HELZ: variants seen among roughly 807,000 people sequenced by gnomAD.
The protein encoded by HELZ is helicase with zinc finger.
In HELZ, 23 loss-of-function variants were observed where a neutral mutation model predicts 218.2. The observed-to-expected ratio is 0.11, with a 90% CI of 0.08 to 0.15. The LOEUF is 0.15. HELZ is among the 10% of genes least tolerant of loss of function. The pLI is 1.00. For missense variants in HELZ, 1,813 were observed against 2,353.7 expected (o/e 0.77, Z 4.75); for synonymous variants, 814 against 829.4 (o/e 0.98, Z 0.32).
intron 3 of HELZ, among the ~76,000 whole-genome samples, chr17:67,228,017 T>C (rs1346961763): frequency 6.6e-6 from 1 of 152,224 alleles, no homozygotes; most frequent in Admixed American, 6.5e-5. Context: ...TCTGCATCTC[T>C]GTCTTATACA....
Position 67,190,216 on chromosome 17 carries a change from C to G in HELZ, c.697G>C (p.Gly233Arg). 6.2e-7 allele frequency: 1 copy of G among 1,614,030 alleles called. No individual in the cohort carries two copies. Among genetic ancestry groups the G allele is most frequent in the Non-Finnish European group, 8.5e-7 (1 of 1,179,948 alleles). The stretch of plus-strand genomic sequence containing the variant: ...TCTATCAAGGTTTCCATGTAACTGC[C>G]TGAGAGCTGTTTATTCTCATTTTGC... Reference protein sequence around the residue: ...KQQNENKQLSGSYMETLIEKW... With the variant: ...KQQNENKQLSRSYMETLIEKW... Residue 233 changes from glycine (G) to arginine (R), a missense_variant, in exon 10 of 33, where the codon GGC becomes CGC. Physicochemically the swap from Gly to Arg is moderately radical, Grantham distance 125. Transcript: ENST00000358691.
chr17:67,231,413 G>A (rs995089792), intron 3 of HELZ, among the ~76,000 whole-genome samples: 13 of 152,012 alleles, frequency 8.6e-5, no homozygotes, highest in African/African-American at 3.1e-4. Context: ...CTAACATGGT[G>A]AAACCCCATC....
chr17:67,173,393 A>C (rs2039366251), intron 13 of HELZ, among the ~76,000 whole-genome samples: 1 of 152,198 alleles, frequency 6.6e-6, no homozygotes, highest in Non-Finnish European at 1.5e-5. Flanking sequence ...ACATTTTAAA[A>C]TCATCCTTAA....
chr17:67,203,113 CTT>C (rs2040208850), intron 6 of HELZ, among the ~76,000 whole-genome samples: 1 of 150,872 alleles, frequency 6.6e-6, no homozygotes, highest in African/African-American at 2.4e-5. Flanking sequence ...AGACTGACAC[CTT>C]GTCTCAAAAA....
rs1260035419 is a variant in HELZ at position 67,077,065 on chromosome 17, T to C, written c.*1187A>G. 1 of 152,224 alleles carries C rather than the reference T, an allele frequency of 6.6e-6. No homozygotes were observed. Among genetic ancestry groups the C allele is most frequent in the African/African-American group, 2.4e-5 (1 of 41,458 alleles). The allele number at this position is 152,224 out of a possible 1,614,324, so 9.4% of individuals were successfully genotyped here. On this transcript the variant is annotated 3_prime_UTR_variant, in exon 33 of 33. Coordinates refer to ENST00000358691, the MANE Select transcript of HELZ (RefSeq NM_014877.4). ...ATATTTAAGATGGCTATTTAAATTT[T>C]ATATTGTGTACAAGTTCAATAAGGG...
At chr17:67,121,125 A>G (rs757203266) in intron 26 of HELZ, among the ~76,000 whole-genome samples, 2 of 152,204 alleles carry the variant, frequency 1.3e-5, no homozygotes, top group Non-Finnish European at 2.9e-5. Context: ...TATTATAGGT[A>G]AAATTCAAAT....
intron 5 of HELZ, among the ~76,000 whole-genome samples, chr17:67,206,290 C>T (rs771566685): frequency 3.3e-5 from 5 of 152,222 alleles, no homozygotes; most frequent in Non-Finnish European, 7.3e-5. Context: ...AGGAGGACTT[C>T]TGTCAGCTCG....
At chr17:67,142,947 G>A (rs944481140) in intron 21 of HELZ, among the ~76,000 whole-genome samples, 3 of 151,808 alleles carry the variant, frequency 2.0e-5, no homozygotes, top group African/African-American at 7.3e-5. Flanking sequence ...TTTTTGTAGA[G>A]ACGGGGTTTC....
chr17:67,214,386 C>T (rs2040540456), intron 5 of HELZ, among the ~76,000 whole-genome samples: 1 of 150,944 alleles, frequency 6.6e-6, no homozygotes, highest in African/African-American at 2.4e-5. Context: ...CTGCCTCAGC[C>T]TCCCGAGTAG....
At chr17:67,174,408 G>A (rs939303184) in intron 13 of HELZ, among the ~76,000 whole-genome samples, 32 of 152,214 alleles carry the variant, frequency 2.1e-4, no homozygotes, top group African/African-American at 7.7e-4. Flanking sequence ...AAATTCATGG[G>A]TTCAAGTGAT....
intron 9 of HELZ, among the ~76,000 whole-genome samples, chr17:67,191,397 A>G (rs746352379): frequency 2.6e-5 from 4 of 152,316 alleles, no homozygotes; most frequent in South Asian, 2.1e-4. Flanking sequence ...GACGTTTACA[A>G]CTCGGAAAAT....
At chr17:67,149,306 A>C (rs2038603119) in intron 19 of HELZ, among the ~76,000 whole-genome samples, 1 of 152,184 alleles carries the variant, frequency 6.6e-6, no homozygotes, top group Non-Finnish European at 1.5e-5. Context: ...ATGTAGGTCC[A>C]ATCTTAACTG....
intron 3 of HELZ, among the ~76,000 whole-genome samples, chr17:67,229,160 G>A (rs139881540): frequency 1.3e-5 from 2 of 152,298 alleles, no homozygotes; most frequent in East Asian, 3.9e-4. Flanking sequence ...ATACTTTAGA[G>A]ATGGCACAAT....
chr17:67,156,759 C>G, intron 17 of HELZ, among the ~76,000 whole-genome samples: 1 of 152,022 alleles, frequency 6.6e-6, no homozygotes, highest in Non-Finnish European at 1.5e-5. Flanking sequence ...CTCTCTCCAG[C>G]CAAGACCTCA....
chr17:67,150,027 G>A (rs371957735), intron 18 of HELZ, 42 bp from the exon 19 acceptor site: 6 of 1,139,522 alleles, frequency 5.3e-6, no homozygotes, highest in Admixed American at 1.9e-5. Flanking sequence ...CGCTAGAGCA[G>A]CAACAAAGGC....
intron 31 of HELZ, among the ~76,000 whole-genome samples, chr17:67,092,099 A>G (rs1015812730): frequency 1.1e-4 from 17 of 152,248 alleles, no homozygotes; most frequent in African/African-American, 3.9e-4. Context: ...CTATGGGTTC[A>G]TGTGATGTAA....
In HELZ at chr17:67,108,200, A is replaced by G. The variant is rs930103663; in HGVS notation, c.4724+292T>C. Among the ~76,000 whole-genome samples the G allele has an allele frequency of 1.3e-5, 2 of 152,244 alleles. No homozygotes were observed. The highest frequency in any genetic ancestry group is 4.8e-5 in the African/African-American group (2 of 41,462). On this transcript the variant is annotated intron_variant, in intron 30 of 32. Transcript: ENST00000358691. The surrounding 1 kb of genome is among the most constrained non-coding windows in gnomAD (Gnocchi z 4.1). ...GCAAGTATTACTACTAAATAAAAAA[A>G]GCTGCTCACAGTGATGGTATGTTTC... is the stretch of plus-strand genomic sequence containing the variant.
rs528061407 is a variant in HELZ at position 67,094,333 on chromosome 17, A to AAAG, written c.5242-7253_5242-7252insCTT. Among the ~76,000 whole-genome samples the AAAG allele has an allele frequency of 7.7e-4, 113 of 146,628 alleles. 2 individuals carry two copies. Among genetic ancestry groups the AAAG allele is most frequent in the African/African-American group, 2.8e-3 (108 of 38,026 alleles). On this transcript the variant is annotated intron_variant, in intron 31 of 32. Transcript: ENST00000358691. ...GGAGACCTGGTCTTGAAAAAAAAAA[A>AAAG]AGAGAGAGAGAGAGAGAGAGATACA...
At chr17:67,087,884 C>T (rs1222376416) in intron 31 of HELZ, among the ~76,000 whole-genome samples, 1 of 152,160 alleles carries the variant, frequency 6.6e-6, no homozygotes, top group Non-Finnish European at 1.5e-5. Flanking sequence ...TACTTGTGAT[C>T]AATATTCAGA....
Sources: allele counts gnomAD v4.1 joint callset (sites outside exome capture counted in the v4.1 genomes callset), GRCh38; gene constraint gnomAD v4.1.1; non-coding constraint Gnocchi (gnomAD v3.1); transcripts MANE v1.5; gene names NCBI Gene and HGNC (gene_info 2026-07-23, HGNC 2026-07-21).